Variants in ANO3 observed in about 807,000 individuals in gnomAD.
ANO3 encodes the protein anoctamin-3.
A neutral mutation model predicts 144.8 loss-of-function variants in ANO3; 99 were observed. The observed-to-expected ratio is 0.68, with a 90% CI of 0.58 to 0.81. The LOEUF (loss-of-function observed/expected upper bound fraction) is 0.81, where lower values mean the gene tolerates loss of function less well. ANO3 is among the 30% of genes least tolerant of loss of function. The pLI is 0.00. For synonymous variants in ANO3, 414 were observed against 392.6 expected (o/e 1.05, Z -0.64); for missense variants, 905 against 1,202.2 (o/e 0.75, Z 3.66).
At chr11:26,612,409 AT>A (rs562586849) in intron 17 of ANO3, among the ~76,000 whole-genome samples, 61 of 151,394 alleles carry the variant, frequency 4.0e-4, no homozygotes, top group African/African-American at 1.4e-3. Context: ...CCTACAATTT[AT>A]ATTTCTGATG....
intron 1 of ANO3, among the ~76,000 whole-genome samples, chr11:26,221,944 G>A (rs1408684054): frequency 6.6e-6 from 1 of 152,104 alleles, no homozygotes; most frequent in African/African-American, 2.4e-5. Context: ...AGATTTGGAG[G>A]GAACACACAT....
intron 1 of ANO3, among the ~76,000 whole-genome samples, chr11:26,398,104 T>TA (rs1235750038): frequency 1.3e-5 from 2 of 152,064 alleles, no homozygotes; most frequent in Admixed American, 1.3e-4. Context: ...TCACTATATA[T>TA]TTAGGAGAAA....
At chr11:26,392,043 A>C (rs1856895207) in intron 1 of ANO3, among the ~76,000 whole-genome samples, 1 of 152,088 alleles carries the variant, frequency 6.6e-6, no homozygotes, top group African/African-American at 2.4e-5. Flanking sequence ...ACATAAATGA[A>C]GATGGAGTGC....
intron 1 of ANO3, among the ~76,000 whole-genome samples, chr11:26,270,196 G>A (rs149216974): frequency 2.4e-4 from 36 of 152,238 alleles, no homozygotes; most frequent in African/African-American, 8.4e-4. Context: ...CCCTGTTCTA[G>A]ACCCTCTCCA....
chr11:26,531,723 TTC>T (rs1849376122), intron 8 of ANO3, among the ~76,000 whole-genome samples: 1 of 151,992 alleles, frequency 6.6e-6, no homozygotes, highest in South Asian at 2.1e-4. Context: ...TTATAATTGC[TTC>T]AATTAACATA....
At chr11:26,641,001 G>A (rs1853131606) in intron 21 of ANO3, among the ~76,000 whole-genome samples, 1 of 152,090 alleles carries the variant, frequency 6.6e-6, no homozygotes, top group Admixed American at 6.6e-5. Context: ...TAGGTTCCGT[G>A]ATTAAAATTG....
intron 1 of ANO3, among the ~76,000 whole-genome samples, chr11:26,300,855 CTT>C (rs376885670): frequency 0.026 from 3,310 of 128,620 alleles, 31 homozygotes; most frequent in African/African-American, 0.042. Context: ...TCTTTTTTTT[CTT>C]TTTTTTTTTT....
intron 1 of ANO3, among the ~76,000 whole-genome samples, chr11:26,270,768 A>G (rs1440499135): frequency 1.3e-5 from 2 of 152,230 alleles, no homozygotes; most frequent in Non-Finnish European, 2.9e-5. Context: ...AGGCAGCTAC[A>G]CTACAATCTG....
intron 1 of ANO3, among the ~76,000 whole-genome samples, chr11:26,379,910 T>G (rs1856542689): frequency 6.6e-6 from 1 of 152,194 alleles, no homozygotes; most frequent in Non-Finnish European, 1.5e-5. Flanking sequence ...AAAGTGGGAA[T>G]AACACCTTGA....
intron 26 of ANO3, among the ~76,000 whole-genome samples, chr11:26,657,234 T>G (rs1043891335): frequency 1.3e-5 from 2 of 152,136 alleles, no homozygotes; most frequent in African/African-American, 2.4e-5. Context: ...GTAATACACC[T>G]CTCAACTGAT....
intron 4 of ANO3, among the ~76,000 whole-genome samples, chr11:26,490,561 A>G (rs1019569771): frequency 6.6e-6 from 1 of 152,234 alleles, no homozygotes; most frequent in Non-Finnish European, 1.5e-5. Context: ...CTGATAAGTC[A>G]GCATAGAGAC....
chr11:26,245,629 G>A (rs183079185), intron 1 of ANO3, among the ~76,000 whole-genome samples: 1 of 152,218 alleles, frequency 6.6e-6, no homozygotes, highest in African/African-American at 2.4e-5. Flanking sequence ...AAAGGAAAAC[G>A]TTTCCTTTTA....
intron 17 of ANO3, among the ~76,000 whole-genome samples, chr11:26,612,157 TG>T (rs1225297921): frequency 6.6e-6 from 1 of 152,082 alleles, no homozygotes; most frequent in African/African-American, 2.4e-5. Context: ...AATGATTTCT[TG>T]GTTGTTTATA....
intron 1 of ANO3, among the ~76,000 whole-genome samples, chr11:26,207,050 A>G (rs10834924): frequency 0.35 from 53,440 of 151,936 alleles, 9,683 homozygotes; most frequent in Non-Finnish European, 0.38. Context: ...CGGGGAAGTA[A>G]AAAATGGGAA....
intron 26 of ANO3, among the ~76,000 whole-genome samples, chr11:26,658,273 T>C (rs1853759301): frequency 6.6e-6 from 1 of 152,208 alleles, no homozygotes; most frequent in South Asian, 2.1e-4. Context: ...AACTTTTTAA[T>C]TATAAAATAC....
chr11:26,231,241 A>G (rs2133802270), intron 1 of ANO3, among the ~76,000 whole-genome samples: 1 of 152,280 alleles, frequency 6.6e-6, no homozygotes, highest in African/African-American at 2.4e-5. Context: ...CTGAGGTTAA[A>G]TGTGAGGTCT....
intron 4 of ANO3, among the ~76,000 whole-genome samples, chr11:26,495,505 C>G (rs1351421628): frequency 6.6e-6 from 1 of 152,094 alleles, no homozygotes; most frequent in Non-Finnish European, 1.5e-5. Flanking sequence ...GTTTTCCATG[C>G]CAGCTTTCCA....
chr11:26,466,115 G>T (rs1859592877), intron 4 of ANO3, among the ~76,000 whole-genome samples: 1 of 151,786 alleles, frequency 6.6e-6, no homozygotes, highest in African/African-American at 2.4e-5. Flanking sequence ...CACAAAGCTT[G>T]GTATGGTACT....
intron 9 of ANO3, among the ~76,000 whole-genome samples, chr11:26,537,059 G>T (rs1443506995): frequency 7.3e-6 from 1 of 137,542 alleles, no homozygotes; most frequent in Non-Finnish European, 1.6e-5. Flanking sequence ...TATAGAATTT[G>T]TCTTCTTTCT....
Sources: gnomAD v4.1 joint callset for allele counts (sites outside exome capture counted in the v4.1 genomes callset) on GRCh38, gnomAD v4.1.1 for gene constraint, MANE v1.5 for transcripts, NCBI Gene and HGNC (gene_info 2026-07-23, HGNC 2026-07-21) for gene names.